PHETA1: variants seen among roughly 807,000 people sequenced by gnomAD.
The protein encoded by PHETA1 is sesquipedalian-1.
For missense variants in PHETA1, 348 were observed against 373.5 expected, an observed-to-expected ratio of 0.93 and a Z score of 0.56; for synonymous variants, 155 against 168.9, an observed-to-expected ratio of 0.92 and a Z score of 0.64.
At position 111,362,142 on chromosome 12, in the gene PHETA1, C is replaced by T. The variant is rs1298161536; in HGVS notation, c.*536G>A. ...CTACCCTCCCAGCCACCGTCCTGCT[C>T]CTGGAGGCAGGCAGGCACAGAGCCA... On this transcript the variant is annotated 3_prime_UTR_variant, in exon 3 of 3. Transcript: ENST00000683047. 7 of 386,386 alleles carry T rather than the reference C, an allele frequency of 1.8e-5. No homozygotes were observed. Among genetic ancestry groups the T allele is most frequent in the Admixed American group, 5.9e-5 (2 of 33,886 alleles). 23.9% of individuals were successfully genotyped at this position (386,386 alleles called of 1,614,324 possible).
chr12:111,365,725 ACACAGGGAGGGG>A (rs910259389), intron 2 of PHETA1: 2 of 318,164 alleles, frequency 6.3e-6, no homozygotes, highest in African/African-American at 2.3e-5. Context: ...AGACACATGG[ACACAGGGAGGGG>A]CAGAACACAT....
Position 111,362,912 on chromosome 12 carries a change from C to A in PHETA1, c.516G>T (p.Leu172=). The A allele has an allele frequency of 6.6e-7, 1 of 1,503,950 alleles. No individual in the cohort carries two copies. The highest frequency in any genetic ancestry group is 8.8e-7 in the Non-Finnish European group (1 of 1,132,014). The allele number at this position is 1,503,950 out of a possible 1,614,324, so 93.2% of individuals were successfully genotyped here. Residue 172 remains leucine, a synonymous_variant, in exon 3 of 3, where the codon CTG becomes CTT. Transcript: ENST00000683047. ...GGGCACTGGGCCGGCGGGGCAGGGGCAGGGCTGGGACCGGGGCTGGGGCAG... is the reference window on the plus strand; with the variant it reads ...GGGCACTGGGCCGGCGGGGCAGGGGAAGGGCTGGGACCGGGGCTGGGGCAG... ...LPSAPAPVPA[L]PLPRRPSALP...
At position 111,362,078 on chromosome 12, in the gene PHETA1, C is replaced by T. The variant is rs971284251; in HGVS notation, c.*600G>A. On this transcript the variant is annotated 3_prime_UTR_variant, in exon 3 of 3. Transcript: ENST00000683047. ...CCGAGGACCAGGCCACCTCACCCTT[C>T]CGGTCCTGCACTAACACCTGCACCT... The T allele has an allele frequency of 2.2e-6, 1 of 450,670 alleles. No individual in the cohort carries two copies. The highest frequency in any genetic ancestry group is 2.0e-5 in the African/African-American group (1 of 49,954). The allele number at this position is 450,670 out of a possible 1,614,324, so 27.9% of individuals were successfully genotyped here.
At position 111,361,433 on chromosome 12, in the gene PHETA1, T is replaced by G. The variant is rs1868593422; in HGVS notation, c.*1245A>C. On this transcript the variant is annotated 3_prime_UTR_variant, in exon 3 of 3. Coordinates refer to ENST00000683047, the MANE Select transcript of PHETA1 (RefSeq NM_144671.6). ...CACCAAGAGGCAGCGTTTGGGAAAA[T>G]CAAGGTCAGGGTGGAGGTGTCCTCA... The G allele has an allele frequency of 6.4e-6, 1 of 156,420 alleles. No homozygotes were observed. Among genetic ancestry groups the G allele is most frequent in the Non-Finnish European group, 1.4e-5 (1 of 70,526 alleles). 9.7% of individuals were successfully genotyped at this position (156,420 alleles called of 1,614,324 possible).
Position 111,362,980 on chromosome 12 carries a change from G to GGGGCAA in PHETA1, c.442_447dup (p.Leu148_Pro149dup). The GGGGCAA allele has an allele frequency of 1.3e-6, 2 of 1,483,028 alleles. No homozygotes were observed. The highest frequency in any genetic ancestry group is 1.8e-6 in the Non-Finnish European group (2 of 1,120,070). 91.9% of individuals were successfully genotyped at this position (1,483,028 alleles called of 1,614,324 possible). On this transcript the variant is annotated inframe_insertion, in exon 3 of 3. Coordinates refer to ENST00000683047, the MANE Select transcript of PHETA1 (RefSeq NM_144671.6). ...GGGGCCAGGGCAGAGGGCAGGGACG[G>GGGGCAA]GGGCAAGGGCAGGGACTGGGGCTGG...
In PHETA1 at chr12:111,368,634, T is replaced by TA. The variant is rs1308701901; in HGVS notation, c.-182+277dup. The stretch of plus-strand genomic sequence containing the variant: ...TGCGTGGGAGCTCTCTTAAGTTCCT[T>TA]AAAGGACAGCCAGAGCCCCAGATGG... On this transcript the variant is annotated intron_variant, in intron 1 of 2. Transcript: ENST00000683047. The surrounding 1 kb of genome is among the most constrained non-coding windows in gnomAD (Gnocchi z 5.0). 1.3e-5 allele frequency among the ~76,000 whole-genome samples: 2 copies of TA among 152,172 alleles called. No homozygotes were observed. Among genetic ancestry groups the TA allele is most frequent in the Non-Finnish European group, 2.9e-5 (2 of 68,014 alleles).
In PHETA1 at chr12:111,363,745, GGAAT is replaced by G. The variant is rs1349418214; in HGVS notation, c.-36-286_-36-283del. 6.8e-6 allele frequency: 10 copies of G among 1,480,166 alleles called. No individual in the cohort carries two copies. The African/African-American group carries it at 1.3e-4, about 19-fold the overall frequency. 91.7% of individuals were successfully genotyped at this position (1,480,166 alleles called of 1,614,324 possible). On this transcript the variant is annotated intron_variant, in intron 2 of 2. Transcript: ENST00000683047. The surrounding 1 kb of genome is among the most constrained non-coding windows in gnomAD (Gnocchi z 7.4). ...CCTGCTGCATGCCAGACATTTCAGA[GGAAT>G]GAACTCACTTTATCTCACAATAGAC...
At chr12:111,366,914 A>G (rs1869068134) in intron 1 of PHETA1, among the ~76,000 whole-genome samples, 1 of 151,878 alleles carries the variant, frequency 6.6e-6, no homozygotes, top group African/African-American at 2.4e-5. Flanking sequence ...AAAATAGAAA[A>G]AAAAATAGCT....
Sources: allele counts gnomAD v4.1 joint callset (sites outside exome capture counted in the v4.1 genomes callset), GRCh38; gene constraint gnomAD v4.1.1; non-coding constraint Gnocchi (gnomAD v3.1); transcripts MANE v1.5; gene names NCBI Gene and HGNC (gene_info 2026-07-23, HGNC 2026-07-21).